Variants in MRAP2 observed in about 807,000 individuals in gnomAD.
MRAP2 encodes melanocortin 2 receptor accessory protein 2, also known as melanocortin-2 receptor accessory protein 2.
In MRAP2, 20 loss-of-function variants were observed where a neutral mutation model predicts 17.4. The ratio of observed to expected loss-of-function variants is 1.15; its 90% confidence interval spans 0.81 to 1.67. MRAP2 has a LOEUF of 1.67. Ranked by LOEUF, MRAP2 falls within the 40% of genes most tolerant of loss-of-function variation. The pLI is 0.00. For synonymous variants in MRAP2, 96 were observed against 88.4 expected, an observed-to-expected ratio of 1.09 and a Z score of -0.48; for missense variants, 238 against 240.0, an observed-to-expected ratio of 0.99 and a Z score of 0.05.
the MRAP2 span, among the ~76,000 whole-genome samples, chr6:84,135,046 T>C: frequency 6.6e-6 from 1 of 151,538 alleles, no homozygotes; most frequent in Non-Finnish European, 1.5e-5. Flanking sequence ...TGTACACACA[T>C]GAGAACCATA....
intron 1 of MRAP2, among the ~76,000 whole-genome samples, chr6:84,034,515 C>T (rs539448656): frequency 6.8e-6 from 1 of 146,920 alleles, no homozygotes; most frequent in East Asian, 2.1e-4. Flanking sequence ...GCCCGCCCCG[C>T]GCCCCGTGCC....
chr6:84,136,043 C>G, the MRAP2 span, among the ~76,000 whole-genome samples: 1 of 152,276 alleles, frequency 6.6e-6, no homozygotes, highest in Non-Finnish European at 1.5e-5. Context: ...GAAGGAGATC[C>G]TGGGCACTGT....
At chr6:84,144,542 T>C in the MRAP2 span, among the ~76,000 whole-genome samples, 1 of 152,100 alleles carries the variant, frequency 6.6e-6, no homozygotes, top group Non-Finnish European at 1.5e-5. Context: ...CAACTATAAA[T>C]ACAAAGTGTT....
At chr6:84,057,934 G>A (rs2099492110) in intron 2 of MRAP2, among the ~76,000 whole-genome samples, 1 of 152,162 alleles carries the variant, frequency 6.6e-6, no homozygotes, top group Non-Finnish European at 1.5e-5. Context: ...ATATCTGGGG[G>A]AAGAACATCC....
intron 3 of MRAP2, among the ~76,000 whole-genome samples, chr6:84,068,999 T>C (rs529645263): frequency 6.6e-6 from 1 of 152,120 alleles, no homozygotes; most frequent in South Asian, 2.1e-4. Context: ...TCTAGGAGCT[T>C]TCTGGAGGAG....
the MRAP2 span, among the ~76,000 whole-genome samples, chr6:84,103,441 G>T: frequency 2.0e-5 from 3 of 151,402 alleles, no homozygotes; most frequent in Non-Finnish European, 4.4e-5. Context: ...CCCTTTTTTT[G>T]CTACAGCTTC....
the MRAP2 span, among the ~76,000 whole-genome samples, chr6:84,119,982 G>A: frequency 5.3e-5 from 8 of 152,176 alleles, no homozygotes; most frequent in Non-Finnish European, 8.8e-5. Context: ...GGAATTGGTT[G>A]ACACATGATG....
intron 3 of MRAP2, among the ~76,000 whole-genome samples, chr6:84,081,046 T>C (rs903253880): frequency 1.3e-5 from 2 of 152,044 alleles, no homozygotes; most frequent in Non-Finnish European, 2.9e-5. Context: ...CATGGGTGGG[T>C]TGAATTAAAG....
the MRAP2 span, among the ~76,000 whole-genome samples, chr6:84,135,064 T>C: frequency 6.6e-6 from 1 of 152,068 alleles, no homozygotes; most frequent in Non-Finnish European, 1.5e-5. Context: ...ATATCCACAA[T>C]ATTTGTATTT....
chr6:84,134,713 C>T, the MRAP2 span, among the ~76,000 whole-genome samples: 2 of 152,118 alleles, frequency 1.3e-5, no homozygotes, highest in Non-Finnish European at 2.9e-5. Flanking sequence ...GAGCCAGGTA[C>T]CTCAGTTGGA....
intron 2 of MRAP2, among the ~76,000 whole-genome samples, chr6:84,058,301 A>G (rs2099492195): frequency 6.6e-6 from 1 of 152,186 alleles, no homozygotes; most frequent in South Asian, 2.1e-4. Flanking sequence ...GTGGTGAGAA[A>G]TGCATACATT....
chr6:84,034,050 G>C (rs1258570618), intron 1 of MRAP2, among the ~76,000 whole-genome samples, 167 bp downstream of exon 1: 1 of 152,068 alleles, frequency 6.6e-6, no homozygotes, highest in Admixed American at 6.5e-5. Context: ...GTGTGAGGAC[G>C]CCCACGGGAA....
intron 2 of MRAP2, among the ~76,000 whole-genome samples, chr6:84,055,811 AC>A (rs1313999387): frequency 2.0e-5 from 3 of 152,158 alleles, no homozygotes; most frequent in African/African-American, 7.2e-5. Flanking sequence ...TATTTGAAGA[AC>A]CTTCTTTTGT....
chr6:84,044,263 C>A (rs142966552), intron 1 of MRAP2, among the ~76,000 whole-genome samples: 4 of 152,098 alleles, frequency 2.6e-5, no homozygotes, highest in Non-Finnish European at 5.9e-5. Context: ...CTCAGCTCAC[C>A]GCCACCTCCG....
chr6:84,111,649 G>A, the MRAP2 span, among the ~76,000 whole-genome samples: 5 of 152,180 alleles, frequency 3.3e-5, no homozygotes, highest in Non-Finnish European at 5.9e-5. Flanking sequence ...TGTTGAATAG[G>A]AGTGGTGAGA....
chr6:84,035,124 G>A (rs1186985249), intron 1 of MRAP2, among the ~76,000 whole-genome samples: 2 of 152,208 alleles, frequency 1.3e-5, no homozygotes, highest in African/African-American at 2.4e-5. Context: ...CTTCCAGTCT[G>A]TATCTTTCTT....
chr6:84,100,178 C>G, the MRAP2 span, among the ~76,000 whole-genome samples: 1 of 152,074 alleles, frequency 6.6e-6, no homozygotes, highest in African/African-American at 2.4e-5. Flanking sequence ...TAATGTTGTT[C>G]TTCCTGTTTA....
chr6:84,066,604 A>ATT (rs956432608), intron 3 of MRAP2, among the ~76,000 whole-genome samples: 1 of 151,952 alleles, frequency 6.6e-6, no homozygotes, highest in South Asian at 2.1e-4. Context: ...AATAAGAGCC[A>ATT]TTTTTTTTGA....
chr6:84,129,813 C>A, the MRAP2 span, among the ~76,000 whole-genome samples: 4 of 152,082 alleles, frequency 2.6e-5, no homozygotes, highest in African/African-American at 7.2e-5. Flanking sequence ...AACAGACACA[C>A]TTTGACTTCC....
Sources: allele counts gnomAD v4.1 joint callset (sites outside exome capture counted in the v4.1 genomes callset), GRCh38; gene constraint gnomAD v4.1.1; transcripts MANE v1.5; gene names NCBI Gene and HGNC (gene_info 2026-07-23, HGNC 2026-07-21).